The following IFT43 variants were observed in gnomAD, a reference collection of about 807,000 sequenced individuals.
IFT43 encodes the protein intraflagellar transport protein 43 homolog.
IFT43 carries 33 observed loss-of-function variants against 32.3 expected under a neutral mutation model. The ratio of observed to expected loss-of-function variants is 1.02; its 90% confidence interval spans 0.77 to 1.37. The LOEUF (loss-of-function observed/expected upper bound fraction) is 1.37, where lower values mean the gene tolerates loss of function less well. Ranked by LOEUF, IFT43 falls within the 40% of genes most tolerant of loss-of-function variation. IFT43 has a pLI of 0.00. For synonymous variants in IFT43, 93 were observed against 98.2 expected, an observed-to-expected ratio of 0.95 and a Z score of 0.31; for missense variants, 274 against 265.9, an observed-to-expected ratio of 1.03 and a Z score of -0.21.
rs150895098 is a variant in IFT43 at position 76,019,085 on chromosome 14, A to C, written c.148-3242A>C. Among the ~76,000 whole-genome samples, 424 of 151,556 alleles carry C rather than the reference A, an allele frequency of 2.8e-3. 4 individuals carry two copies. The highest frequency in any genetic ancestry group is 9.7e-3 in the African/African-American group (403 of 41,366). ...TTGTTTTATATATCCTTTTTTCCTT[A>C]CTTCCTCTTTTAAGTTTTATCATTG... On this transcript the variant is annotated intron_variant, in intron 2 of 8. Transcript: ENST00000314067.
chr14:76,002,752 A>G (rs577779734), intron 2 of IFT43, among the ~76,000 whole-genome samples: 1 of 152,374 alleles, frequency 6.6e-6, no homozygotes, highest in East Asian at 1.9e-4. Flanking sequence ...TTTTCATAAT[A>G]ATTTGGAAGA....
chr14:76,069,126 G>T (rs1181316340), intron 5 of IFT43, among the ~76,000 whole-genome samples: 4 of 152,178 alleles, frequency 2.6e-5, no homozygotes, highest in Non-Finnish European at 5.9e-5. Flanking sequence ...CTTCTGGGGA[G>T]GCCTCAGGAA....
intron 3 of IFT43, among the ~76,000 whole-genome samples, chr14:76,052,637 C>T (rs2036936689): frequency 6.6e-6 from 1 of 152,132 alleles, no homozygotes; most frequent in East Asian, 1.9e-4. Context: ...TGCTCAGCTG[C>T]CCAAATCACA....
At position 76,027,440 on chromosome 14, in the gene IFT43, C is replaced by T. The variant is rs1376677615; in HGVS notation, c.215+5046C>T. ...CATCTCTCAAGATTAATGACATTCT[C>T]GGCCGGGCGCAGTGGCTCACGCACT... On this transcript the variant is annotated intron_variant, in intron 3 of 8. Transcript: ENST00000314067. 4.6e-5 allele frequency among the ~76,000 whole-genome samples: 7 copies of T among 151,974 alleles called. No individual in the cohort carries two copies. In the East Asian group the frequency reaches 9.7e-4, roughly 21 times the overall value.
chr14:75,996,559 C>T (rs1263030951), intron 2 of IFT43, among the ~76,000 whole-genome samples: 1 of 152,182 alleles, frequency 6.6e-6, no homozygotes, highest in Non-Finnish European at 1.5e-5. Flanking sequence ...GCCCTTATGG[C>T]AAAGAAACAT....
At chr14:76,047,287 G>T (rs776242844) in intron 3 of IFT43, among the ~76,000 whole-genome samples, 147 of 152,284 alleles carry the variant, frequency 9.7e-4, no homozygotes, top group Non-Finnish European at 1.9e-3. Context: ...ACCTTGGCTG[G>T]CCTGATTCTG....
At chr14:76,051,413 A>G (rs977604695) in intron 3 of IFT43, among the ~76,000 whole-genome samples, 3 of 151,938 alleles carry the variant, frequency 2.0e-5, no homozygotes, top group East Asian at 3.9e-4. Context: ...AGGGACCCCA[A>G]TTATCCAGTG....
intron 2 of IFT43, among the ~76,000 whole-genome samples, chr14:76,009,099 C>G (rs2036031522): frequency 6.6e-6 from 1 of 152,202 alleles, no homozygotes; most frequent in South Asian, 2.1e-4. Flanking sequence ...TTTGTTTCAG[C>G]CCAGATTGGT....
At chr14:76,031,810 C>T (rs2036513546) in intron 3 of IFT43, among the ~76,000 whole-genome samples, 1 of 152,150 alleles carries the variant, frequency 6.6e-6, no homozygotes. Flanking sequence ...GTTCTGACCC[C>T]TCGAAATGTT....
At chr14:76,060,445 C>T (rs1425805664) in intron 5 of IFT43, among the ~76,000 whole-genome samples, 2 of 152,160 alleles carry the variant, frequency 1.3e-5, no homozygotes, top group Non-Finnish European at 2.9e-5. Context: ...TCTCTAACAC[C>T]TGACCTCAAG....
At chr14:76,053,943 C>T (rs1260204702) in intron 3 of IFT43, among the ~76,000 whole-genome samples, 3 of 152,194 alleles carry the variant, frequency 2.0e-5, no homozygotes, top group Non-Finnish European at 4.4e-5. Context: ...ACCTAGTGGA[C>T]CATTCAGGCC....
chr14:76,018,488 T>A (rs2036230968), intron 2 of IFT43, among the ~76,000 whole-genome samples: 1 of 152,218 alleles, frequency 6.6e-6, no homozygotes, highest in Admixed American at 6.5e-5. Flanking sequence ...TTCTGGAGAA[T>A]GTTCCACGTG....
At chr14:76,010,865 C>T (rs968276993) in intron 2 of IFT43, among the ~76,000 whole-genome samples, 4 of 149,706 alleles carry the variant, frequency 2.7e-5, no homozygotes, top group African/African-American at 9.8e-5. Context: ...TTTTAAGTCT[C>T]TTTTAATTTA....
intron 3 of IFT43, among the ~76,000 whole-genome samples, chr14:76,053,765 A>T (rs1318762386): frequency 6.6e-6 from 1 of 152,196 alleles, no homozygotes; most frequent in African/African-American, 2.4e-5. Flanking sequence ...TAACTTTTCA[A>T]AGTGCTGATT....
intron 2 of IFT43, among the ~76,000 whole-genome samples, chr14:76,012,933 T>G (rs1291402166): frequency 6.6e-5 from 10 of 152,214 alleles, no homozygotes; most frequent in Non-Finnish European, 8.8e-5. Flanking sequence ...TCCTCTTCTT[T>G]CTGGCTTTTA....
intron 3 of IFT43, among the ~76,000 whole-genome samples, chr14:76,024,756 T>G (rs2036358468): frequency 6.6e-6 from 1 of 152,234 alleles, no homozygotes; most frequent in Admixed American, 6.5e-5. Context: ...GCCACATTTG[T>G]TAGCCTCTGT....
chr14:76,001,081 C>G (rs766993186), intron 2 of IFT43, among the ~76,000 whole-genome samples: 1 of 152,026 alleles, frequency 6.6e-6, no homozygotes, highest in Admixed American at 6.5e-5. Context: ...ACACATAGAC[C>G]CTTCATGATC....
chr14:76,000,106 A>G (rs988433945), intron 2 of IFT43, among the ~76,000 whole-genome samples: 5 of 152,204 alleles, frequency 3.3e-5, no homozygotes, highest in Non-Finnish European at 1.5e-5. Context: ...ACATTTTTAC[A>G]GTTACAATAC....
chr14:76,039,864 A>C (rs867698608), intron 3 of IFT43, among the ~76,000 whole-genome samples: 3 of 152,188 alleles, frequency 2.0e-5, no homozygotes, highest in Admixed American at 2.0e-4. Flanking sequence ...ACCTACAGAC[A>C]CAAATGGGAA....
Sources: gnomAD v4.1 joint callset for allele counts (sites outside exome capture counted in the v4.1 genomes callset) on GRCh38, gnomAD v4.1.1 for gene constraint, MANE v1.5 for transcripts, NCBI Gene and HGNC (gene_info 2026-07-23, HGNC 2026-07-21) for gene names.